Variants in COPS5 observed in about 807,000 individuals in gnomAD.
COPS5 encodes COP9 signalosome subunit 5.
A neutral mutation model predicts 44.4 loss-of-function variants in COPS5; 8 were observed. The ratio of observed to expected loss-of-function variants is 0.18; its 90% CI spans 0.11 to 0.32. The LOEUF is 0.32. COPS5 is among the 10% of genes least tolerant of loss of function. The pLI, the probability that COPS5 is intolerant of heterozygous loss-of-function variation, is 1.00. For synonymous variants in COPS5, 122 were observed against 142.8 expected, an observed-to-expected ratio of 0.85 and a Z score of 1.04; for missense variants, 159 against 406.4, an observed-to-expected ratio of 0.39 and a Z score of 5.23.
In COPS5 at chr8:67,059,248, T is replaced by A. The variant is rs1306668062; in HGVS notation, c.341A>T (p.Tyr114Phe). The A allele has an allele frequency of 6.2e-7, 1 of 1,614,206 alleles. No individual in the cohort carries two copies. The highest frequency in any genetic ancestry group is 8.5e-7 in the Non-Finnish European group (1 of 1,180,004). Residue 114 changes from tyrosine to phenylalanine, a missense_variant, in exon 2 of 8, where the codon TAT (tyrosine) becomes TTT (phenylalanine). Tyr to Phe is a conservative substitution (Grantham distance 22). Transcript: ENST00000357849. ...TTCTATGTATGCAGCCATGTATTCA[T>A]ATGCAGCAGCCTGAGCATTTACTCG... ...ETRVNAQAAA[Y>F]EYMAAYIENA... is the part of the protein sequence containing the mutation.
intron 1 of COPS5, chr8:67,059,926 C>A (rs1585717228): frequency 1.2e-5 from 2 of 166,452 alleles, no homozygotes; most frequent in East Asian, 3.4e-4. Context: ...GCCTAGGTTT[C>A]CTTTTCTGTA....
At chr8:67,050,010 T>C (rs1217638459) in intron 6 of COPS5, among the ~76,000 whole-genome samples, 1 of 151,552 alleles carries the variant, frequency 6.6e-6, no homozygotes. Flanking sequence ...TCTTTTTTTT[T>C]TTTTTTTTGA....
chr8:67,047,902 C>T (rs997685985), intron 6 of COPS5: 18 of 702,408 alleles, frequency 2.6e-5, no homozygotes, highest in Non-Finnish European at 4.2e-5. Context: ...GTTTCTGGCA[C>T]ATAGGAAGCA....
chr8:67,051,831 T>C (rs1357927406), intron 5 of COPS5, among the ~76,000 whole-genome samples: 2 of 152,152 alleles, frequency 1.3e-5, no homozygotes, highest in Non-Finnish European at 2.9e-5. Flanking sequence ...TCTAAAATAA[T>C]TGCTCCCACT....
chr8:67,048,609 C>T (rs999502618), intron 6 of COPS5, among the ~76,000 whole-genome samples: 5 of 150,370 alleles, frequency 3.3e-5, no homozygotes, highest in South Asian at 2.1e-4. Flanking sequence ...CCAGCTACTC[C>T]GGAGGCTGAG....
Position 67,053,448 on chromosome 8 carries a change from C to A in COPS5, c.660-2107G>T, listed in dbSNP as rs139019988. 4.4e-3 allele frequency among the ~76,000 whole-genome samples: 670 copies of A among 151,884 alleles called. 3 individuals carry two copies. The highest frequency in any genetic ancestry group is 0.015 in the African/African-American group (638 of 41,430). On this transcript the variant is annotated intron_variant, in intron 5 of 7. Coordinates refer to ENST00000357849, the MANE Select transcript of COPS5 (RefSeq NM_006837.3). ...GGGCGTGTTGGCTCACGCCTATAAT[C>A]CCAGCACTTTGGGAGGCTGAGGCAG...
intron 1 of COPS5, chr8:67,059,815 T>G (rs1275886186): frequency 1.9e-5 from 4 of 215,106 alleles, no homozygotes; most frequent in Non-Finnish European, 3.8e-5. Context: ...CCTTCTGGCC[T>G]AATGGTTAAG....
intron 6 of COPS5, among the ~76,000 whole-genome samples, chr8:67,050,094 G>A (rs887115316): frequency 6.7e-5 from 10 of 148,908 alleles, no homozygotes; most frequent in South Asian, 2.1e-4. Flanking sequence ...TCTGCCCCCC[G>A]GGGCTCATGC....
At chr8:67,061,654 G>A (rs981156399) in intron 1 of COPS5, 200 bp downstream of exon 1, 45 of 591,698 alleles carry the variant, frequency 7.6e-5, no homozygotes, top group African/African-American at 7.3e-4. Context: ...CATCACCCGG[G>A]GGCAAATGGA....
At chr8:67,055,132 A>C (rs1039242887) in intron 5 of COPS5, among the ~76,000 whole-genome samples, 2 of 152,250 alleles carry the variant, frequency 1.3e-5, no homozygotes, top group African/African-American at 4.8e-5. Context: ...CTGAGCCATG[A>C]GCCTGCTGGC....
intron 6 of COPS5, among the ~76,000 whole-genome samples, chr8:67,049,537 T>C (rs1413852158): frequency 1.3e-5 from 2 of 152,176 alleles, no homozygotes; most frequent in African/African-American, 4.8e-5. Flanking sequence ...TGCAAAGTAG[T>C]TCTTTACTTT....
At chr8:67,053,256 A>AT (rs1194043046) in intron 5 of COPS5, among the ~76,000 whole-genome samples, 1 of 151,438 alleles carries the variant, frequency 6.6e-6, no homozygotes, top group Non-Finnish European at 1.5e-5. Flanking sequence ...TGCCCAGCTA[A>AT]TTTTTTGTAT....
intron 6 of COPS5, 31 bp from the exon 7 acceptor site, chr8:67,045,991 A>G: frequency 6.3e-7 from 1 of 1,593,294 alleles, no homozygotes; most frequent in Non-Finnish European, 8.6e-7. Flanking sequence ...TGTCACTGCA[A>G]AACACAAGTC....
intron 6 of COPS5, among the ~76,000 whole-genome samples, chr8:67,049,430 A>T (rs75732965): frequency 0.13 from 19,378 of 152,040 alleles, 2,451 homozygotes; most frequent in African/African-American, 0.33. Flanking sequence ...TGCCACCACA[A>T]TACCCTGGAC....
At chr8:67,060,560 A>C (rs1045990368) in intron 1 of COPS5, 1 of 1,236,262 alleles carries the variant, frequency 8.1e-7, no homozygotes, top group Non-Finnish European at 1.1e-6. Context: ...AGAAAAGAAG[A>C]AAGACAAGTT....
chr8:67,050,989 G>A (rs1343202035), intron 6 of COPS5, among the ~76,000 whole-genome samples: 1 of 151,726 alleles, frequency 6.6e-6, no homozygotes, highest in East Asian at 1.9e-4. Flanking sequence ...TATGGCAGGG[G>A]CAGATCTCAC....
intron 2 of COPS5, 115 bp downstream of exon 2, chr8:67,059,096 T>C (rs1804551325): frequency 1.1e-5 from 7 of 655,472 alleles, no homozygotes; most frequent in Non-Finnish European, 1.8e-5. Flanking sequence ...ATATAAATCA[T>C]TAAAATTTAA....
chr8:67,045,387 G>C (rs1816687282), intron 7 of COPS5: 1 of 153,546 alleles, frequency 6.5e-6, no homozygotes, highest in South Asian at 2.0e-4. Context: ...CCGGTAGGCG[G>C]AGGTTGCAGT....
At position 67,053,279 on chromosome 8, in the gene COPS5, CAG is replaced by C. The variant is rs1359689077; in HGVS notation, c.660-1940_660-1939del. Among the ~76,000 whole-genome samples, 9 of 151,536 alleles carry C rather than the reference CAG, an allele frequency of 5.9e-5. 1 individual carries two copies. Among genetic ancestry groups the C allele is most frequent in the African/African-American group, 1.2e-4 (5 of 41,306 alleles). On this transcript the variant is annotated intron_variant, in intron 5 of 7. Coordinates refer to ENST00000357849, the MANE Select transcript of COPS5 (RefSeq NM_006837.3). ...TAATTTTTTGTATTTTTAGCAGAGA[CAG>C]GGTTTCACCATGTTGTCCAGGCTGG...
Sources: gnomAD v4.1 joint callset for allele counts (sites outside exome capture counted in the v4.1 genomes callset) on GRCh38, gnomAD v4.1.1 for gene constraint, MANE v1.5 for transcripts, NCBI Gene and HGNC (gene_info 2026-07-23, HGNC 2026-07-21) for gene names.